The following SLC43A2 variants were observed in gnomAD, a reference collection of about 807,000 sequenced individuals.
The protein encoded by SLC43A2 is solute carrier family 43 member 2.
Under a neutral mutation model 63.2 loss-of-function variants are expected in SLC43A2, and 38 were observed. The observed-to-expected ratio is 0.60, with a 90% CI of 0.46 to 0.79. SLC43A2 has a LOEUF of 0.79. Among genes scored for constraint, SLC43A2 ranks in the 30% least tolerant of loss-of-function variants. The pLI, the probability that SLC43A2 is intolerant of heterozygous loss-of-function variation, is 0.00. For missense variants in SLC43A2, 644 were observed against 756.2 expected (o/e 0.85, Z 1.74); for synonymous variants, 322 against 331.0 (o/e 0.97, Z 0.30).
At position 1,591,320 on chromosome 17, in the gene SLC43A2, G is replaced by A. The variant is rs140076368; in HGVS notation, c.880C>T (p.Leu294=). The A allele has an allele frequency of 2.8e-5, 45 of 1,608,596 alleles. No individual in the cohort carries two copies. The highest frequency in any genetic ancestry group is 3.7e-5 in the Non-Finnish European group (44 of 1,179,958). Reference sequence around the variant, plus strand: ...TCCAGGTCGACGGTGGACAGGCACAGCTTGTGGCCCTCCTGCAGCGCCACC... The same window carrying A: ...TCCAGGTCGACGGTGGACAGGCACAACTTGTGGCCCTCCTGCAGCGCCACC... ...EQVALQEGHK[L]CLSTVDLEVK... is the part of the protein sequence containing the mutation. Residue 294 remains leucine (L), a synonymous_variant, in exon 8 of 14, where the codon CTG becomes TTG. Transcript: ENST00000301335.
In SLC43A2 at chr17:1,585,947, C is replaced by T. The variant is rs747263802; in HGVS notation, c.1183G>A (p.Ala395Thr). The T allele has an allele frequency of 3.1e-6, 5 of 1,613,654 alleles. No homozygotes were observed. Among genetic ancestry groups the T allele is most frequent in the Middle Eastern group, 1.7e-4 (1 of 6,056 alleles). ...TCTTTCTCCTCGGGCTCCTCGGAGGCGTCTTCACACTCCTTCAGCCTCCAG... is the reference window on the plus strand; with the variant it reads ...TCTTTCTCCTCGGGCTCCTCGGAGGTGTCTTCACACTCCTTCAGCCTCCAG... ...MDWRLKECED[A>T]SEEPEEKDAN... The change falls in exon 10 of 14, where the codon GCC (alanine) becomes ACC (threonine). Residue 395 changes from alanine to threonine, a missense_variant. Physicochemically the swap from Ala to Thr is moderately conservative, Grantham distance 58 (BLOSUM62 0). This residue lies in a region of SLC43A2 where 528 missense variants were observed against 623.6 expected (regional missense o/e 0.85). Coordinates refer to ENST00000301335, the MANE Select transcript of SLC43A2 (RefSeq NM_152346.3).
At chr17:1,611,725 A>G (rs562148812) in intron 5 of SLC43A2, among the ~76,000 whole-genome samples, 1 of 152,176 alleles carries the variant, frequency 6.6e-6, no homozygotes, top group Non-Finnish European at 1.5e-5. Context: ...CGACAAGGGA[A>G]ATCAGAAACC....
chr17:1,629,324 C>T (rs1326601229), upstream of SLC43A2, among the ~76,000 whole-genome samples: 1 of 152,064 alleles, frequency 6.6e-6, no homozygotes, highest in Non-Finnish European at 1.5e-5. Flanking sequence ...CCCCACCCCG[C>T]CTCCTCCCCA....
chr17:1,613,300 G>A, intron 4 of SLC43A2, 29 bp from the exon 5 acceptor site: 1 of 1,611,050 alleles, frequency 6.2e-7, no homozygotes, highest in African/African-American at 1.3e-5. Context: ...CTCGTGAGTG[G>A]AGACCCCAGC....
In SLC43A2 at chr17:1,578,357, C is replaced by A. The variant is rs755976680; in HGVS notation, c.1351-34G>T. On this transcript the variant is annotated intron_variant, in intron 11 of 13. Transcript: ENST00000301335. This position sits in a 1 kb window ranked among gnomAD's most constrained non-coding sequence, Gnocchi z 6.5. ...GGAAAAGGCGACTGTGGGCATAAGG[C>A]CTTAAGGGACCGTCCCCTCAGCCCC... 5.0e-6 allele frequency: 8 copies of A among 1,602,262 alleles called. No individual in the cohort carries two copies. The highest frequency in any genetic ancestry group is 1.1e-5 in the South Asian group (1 of 90,566).
rs1006854768 is a variant in SLC43A2, at chr17:1,593,566, C to G, written c.502-287G>C. 6.6e-6 allele frequency among the ~76,000 whole-genome samples: 1 copy of G among 152,128 alleles called. No homozygotes were observed. The highest frequency in any genetic ancestry group is 1.5e-5 in the Non-Finnish European group (1 of 68,018). On this transcript the variant is annotated intron_variant, in intron 5 of 13. Coordinates refer to ENST00000301335, the MANE Select transcript of SLC43A2 (RefSeq NM_152346.3). This position sits in a 1 kb window ranked among gnomAD's most constrained non-coding sequence, Gnocchi z 5.3. ...CTCTGCTCCTGGCAGAGCCCAGGAG[C>G]CTTCTTGTCTTTTCAGGGTAACACT...
In SLC43A2 at chr17:1,569,559, T is replaced by C. The variant is rs2075816823; in HGVS notation, c.*6045A>G. ...AGAAATCTACACAGTCTTCCCAACA[T>C]GTACACACCCTGACATGCCCGGATG... On this transcript the variant is annotated 3_prime_UTR_variant, in exon 14 of 14. Coordinates refer to ENST00000301335, the MANE Select transcript of SLC43A2 (RefSeq NM_152346.3). 1 of 152,280 alleles carries C rather than the reference T, an allele frequency of 6.6e-6. No homozygotes were observed. The highest frequency in any genetic ancestry group is 2.4e-5 in the African/African-American group (1 of 41,448). The allele number at this position is 152,280 out of a possible 1,614,324, so 9.4% of individuals were successfully genotyped here.
intron 5 of SLC43A2, among the ~76,000 whole-genome samples, chr17:1,612,725 G>A (rs1156356808): frequency 2.6e-5 from 4 of 152,332 alleles, no homozygotes; most frequent in African/African-American, 4.8e-5. Context: ...TCACCCCAGC[G>A]CTTTGGGAGG....
chr17:1,617,731 G>A (rs1264722292), intron 2 of SLC43A2, among the ~76,000 whole-genome samples: 1 of 152,130 alleles, frequency 6.6e-6, no homozygotes, highest in East Asian at 1.9e-4. Flanking sequence ...GGTCACAGTG[G>A]TGCCATCCCG....
chr17:1,616,367 C>T (rs944267550), intron 3 of SLC43A2, 195 bp downstream of exon 3: 15 of 587,376 alleles, frequency 2.6e-5, no homozygotes, highest in African/African-American at 2.4e-4. Context: ...TTTTCTTATT[C>T]GGTACTGGAG....
intron 5 of SLC43A2, chr17:1,604,649 C>A: frequency 7.2e-7 from 1 of 1,383,298 alleles, no homozygotes; most frequent in South Asian, 1.3e-5. Flanking sequence ...GCTGAGACTA[C>A]AGGGGGATAC....
At chr17:1,615,269 G>A (rs977965529) in intron 3 of SLC43A2, among the ~76,000 whole-genome samples, 1 of 151,554 alleles carries the variant, frequency 6.6e-6, no homozygotes, top group Admixed American at 6.6e-5. Flanking sequence ...ACCACCACGC[G>A]TGGCTAATTT....
Position 1,627,998 on chromosome 17 carries a change from G to T in SLC43A2, c.-46-78C>A, listed in dbSNP as rs181818780. On this transcript the variant is annotated intron_variant, in intron 1 of 13. Coordinates refer to ENST00000301335, the MANE Select transcript of SLC43A2 (RefSeq NM_152346.3). The stretch of plus-strand genomic sequence containing the variant: ...GCCCCCAGCAGCCCCGACCGCTGCC[G>T]CAGGGCTCGGGATTGCCACCCCTCC... 2.3e-3 allele frequency: 2,837 copies of T among 1,236,872 alleles called. 51 individuals are homozygous for T. The African/African-American group carries it at 0.041, about 18-fold the overall frequency. The allele number at this position is 1,236,872 out of a possible 1,614,324, so 76.6% of individuals were successfully genotyped here.
intron 5 of SLC43A2, chr17:1,604,860 C>T (rs1906440032): frequency 6.5e-7 from 1 of 1,535,688 alleles, no homozygotes; most frequent in South Asian, 1.2e-5. Flanking sequence ...CCACATTCCC[C>T]CTCTCGCTCA....
intron 5 of SLC43A2, among the ~76,000 whole-genome samples, chr17:1,612,041 G>A (rs1167227314): frequency 2.0e-5 from 3 of 151,946 alleles, no homozygotes; most frequent in Non-Finnish European, 4.4e-5. Flanking sequence ...CTTGGCTCAC[G>A]GCAACCTCCG....
intron 1 of SLC43A2, among the ~76,000 whole-genome samples, chr17:1,628,548 C>A (rs1435383791): frequency 2.6e-5 from 4 of 152,132 alleles, no homozygotes; most frequent in African/African-American, 7.2e-5. Context: ...CGGTTCAAAC[C>A]GGTGGCGCGA....
At chr17:1,594,800 G>A (rs537198079) in intron 5 of SLC43A2, among the ~76,000 whole-genome samples, 4 of 151,594 alleles carry the variant, frequency 2.6e-5, no homozygotes, top group Non-Finnish European at 4.4e-5. Flanking sequence ...ACGTTAGCCA[G>A]GATGGTCTGG....
At chr17:1,628,956 C>T (rs1442216793), upstream of SLC43A2, 1 of 152,386 alleles carries the variant, frequency 6.6e-6, no homozygotes. Context: ...CCCCGCCCGC[C>T]CCGCCGCGAG....
At chr17:1,585,142 G>C (rs936626731) in intron 10 of SLC43A2, 20 of 987,842 alleles carry the variant, frequency 2.0e-5, no homozygotes, top group Non-Finnish European at 2.3e-5. Context: ...CTGCCAAGGG[G>C]TGGAGGGAGG....
Sources: allele counts gnomAD v4.1 joint callset (sites outside exome capture counted in the v4.1 genomes callset), GRCh38; gene constraint gnomAD v4.1.1; regional missense constraint gnomAD v4.1.1; non-coding constraint Gnocchi (gnomAD v3.1); transcripts MANE v1.5; gene names NCBI Gene and HGNC (gene_info 2026-07-23, HGNC 2026-07-21).